Variants in CHN1 observed in about 807,000 individuals in gnomAD.
CHN1 encodes chimerin 1.
In CHN1, 37 loss-of-function variants were observed where a neutral mutation model predicts 59.5. That is an observed-to-expected ratio of 0.62 (90% CI 0.48 to 0.82). The LOEUF is 0.82. Among genes scored for constraint, CHN1 ranks in the 40% least tolerant of loss-of-function variants. The probability of loss-of-function intolerance (pLI) is 0.00; values close to 1 mark genes in which losing one functional copy is unlikely to be tolerated. For synonymous variants in CHN1, 206 were observed against 200.4 expected, an observed-to-expected ratio of 1.03 and a Z score of -0.24; for missense variants, 469 against 571.0, an observed-to-expected ratio of 0.82 and a Z score of 1.82.
At chr2:174,880,808 G>A (rs1345220071) in intron 5 of CHN1, among the ~76,000 whole-genome samples, 2 of 152,182 alleles carry the variant, frequency 1.3e-5, no homozygotes, top group Non-Finnish European at 2.9e-5. Context: ...AGCACTTTGG[G>A]AGGCTGAGGC....
chr2:174,990,142 G>A (rs1691487000), intron 1 of CHN1, among the ~76,000 whole-genome samples: 1 of 152,054 alleles, frequency 6.6e-6, no homozygotes, highest in Non-Finnish European at 1.5e-5. Context: ...AGTAAGTTCT[G>A]GGATCTGTGT....
chr2:175,004,827 A>G lies in CHN1; in HGVS notation c.19+67T>C, dbSNP rs538414084. The G allele has an allele frequency of 6.7e-3, 7,164 of 1,074,516 alleles. 390 individuals are homozygous for G. The African/African-American group carries it at 0.11, about 17-fold the overall frequency. The allele number at this position is 1,074,516 out of a possible 1,614,324, so 66.6% of individuals were successfully genotyped here. On this transcript the variant is annotated intron_variant, in intron 1 of 12. Coordinates refer to ENST00000409900, the MANE Select transcript of CHN1 (RefSeq NM_001822.7). ...CCCTCCCCGGGCGCCCAGGCCCCCC[A>G]GGCCCCCGCCCCCGAGCCCCGGGAC...
intron 4 of CHN1, among the ~76,000 whole-genome samples, chr2:174,916,499 T>A (rs1688852636): frequency 6.6e-6 from 1 of 152,212 alleles, no homozygotes; most frequent in Admixed American, 6.5e-5. Context: ...CAGCTTTTAC[T>A]GGTACTAAAG....
At chr2:174,805,927 T>C (rs1684871769) in intron 11 of CHN1, among the ~76,000 whole-genome samples, 1 of 152,188 alleles carries the variant, frequency 6.6e-6, no homozygotes, top group South Asian at 2.1e-4. Flanking sequence ...CTGAGACATG[T>C]AGCTTTTTGA....
intron 1 of CHN1, among the ~76,000 whole-genome samples, chr2:174,954,272 T>C (rs1690118099): frequency 6.6e-6 from 1 of 152,056 alleles, no homozygotes; most frequent in Non-Finnish European, 1.5e-5. Flanking sequence ...TCCTCGTTTC[T>C]CACCCTATAC....
chr2:174,831,899 AAAAT>A (rs993624254), intron 7 of CHN1, among the ~76,000 whole-genome samples: 2 of 152,148 alleles, frequency 1.3e-5, no homozygotes, highest in African/African-American at 2.4e-5. Flanking sequence ...GTACAATAGG[AAAAT>A]AAATAAGTAA....
chr2:174,799,972 A>C lies in CHN1; in HGVS notation c.*144T>G, dbSNP rs1370391372. The stretch of plus-strand genomic sequence containing the variant: ...TACAAGACAGCTGAGCGGTGCTACA[A>C]AAACAACAGAAAGTTCCTTCACTTT... On this transcript the variant is annotated 3_prime_UTR_variant, in exon 13 of 13. Coordinates refer to ENST00000409900, the MANE Select transcript of CHN1 (RefSeq NM_001822.7). 1 of 798,722 alleles carries C rather than the reference A, an allele frequency of 1.3e-6. No individual in the cohort carries two copies. The highest frequency in any genetic ancestry group is 2.1e-6 in the Non-Finnish European group (1 of 476,100). 49.5% of individuals were successfully genotyped at this position (798,722 alleles called of 1,614,324 possible).
chr2:174,833,607 G>T (rs1035257006), intron 7 of CHN1, among the ~76,000 whole-genome samples: 6 of 151,924 alleles, frequency 3.9e-5, no homozygotes, highest in African/African-American at 1.5e-4. Flanking sequence ...CCTTTTAATG[G>T]TGTGTTTGAG....
At chr2:174,944,477 CTT>C in intron 3 of CHN1, among the ~76,000 whole-genome samples, 1 of 152,178 alleles carries the variant, frequency 6.6e-6, no homozygotes, top group East Asian at 1.9e-4. Flanking sequence ...TACATCATAT[CTT>C]TTTTTGGTGA....
intron 7 of CHN1, among the ~76,000 whole-genome samples, chr2:174,832,624 ATC>A (rs1277836875): frequency 6.6e-6 from 1 of 152,142 alleles, no homozygotes; most frequent in Non-Finnish European, 1.5e-5. Context: ...TTTTTCAGAT[ATC>A]TGTTAGTGAT....
chr2:174,894,374 C>T (rs1435766073), intron 5 of CHN1, among the ~76,000 whole-genome samples: 1 of 151,934 alleles, frequency 6.6e-6, no homozygotes, highest in South Asian at 2.1e-4. Context: ...GAAAAGATGT[C>T]CAACATCACT....
At chr2:174,871,689 T>C (rs1210371023) in intron 6 of CHN1, among the ~76,000 whole-genome samples, 1 of 152,234 alleles carries the variant, frequency 6.6e-6, no homozygotes, top group East Asian at 1.9e-4. Flanking sequence ...AACTTAGTAT[T>C]TATTTAATGC....
chr2:174,862,393 C>T lies in CHN1; in HGVS notation c.550-15436G>A, dbSNP rs188387873. Among the ~76,000 whole-genome samples, 208 of 150,442 alleles carry T rather than the reference C, an allele frequency of 1.4e-3. 5 individuals are homozygous for T. The East Asian group carries it at 0.033, about 24-fold the overall frequency. ...CTGTCGCCAGGCTGGAGTACAGTGG[C>T]GCAATCTTGGCTCACTGCAACCTCC... On this transcript the variant is annotated intron_variant, in intron 6 of 12. Transcript: ENST00000409900.
chr2:174,871,305 C>T (rs149956227), intron 6 of CHN1, among the ~76,000 whole-genome samples: 4 of 151,610 alleles, frequency 2.6e-5, no homozygotes, highest in African/African-American at 9.7e-5. Flanking sequence ...AAGAATGACC[C>T]TCTCCACCTC....
chr2:174,835,966 G>A (rs1686061621), intron 7 of CHN1, among the ~76,000 whole-genome samples: 1 of 152,140 alleles, frequency 6.6e-6, no homozygotes, highest in Non-Finnish European at 1.5e-5. Flanking sequence ...CATATATGCA[G>A]ATAAGTCATC....
chr2:174,910,747 A>C (rs992269342), intron 5 of CHN1, among the ~76,000 whole-genome samples: 5 of 152,260 alleles, frequency 3.3e-5, no homozygotes, highest in Middle Eastern at 3.4e-3. Context: ...AGTAGATATC[A>C]AAATTAGCCG....
At chr2:174,855,691 A>C (rs1045813418) in intron 6 of CHN1, among the ~76,000 whole-genome samples, 2 of 152,164 alleles carry the variant, frequency 1.3e-5, no homozygotes, top group African/African-American at 4.8e-5. Context: ...CTTTACATGT[A>C]TGATAAAGTT....
At chr2:174,851,672 CCT>C (rs1309500327) in intron 6 of CHN1, among the ~76,000 whole-genome samples, 1 of 152,178 alleles carries the variant, frequency 6.6e-6, no homozygotes, top group Non-Finnish European at 1.5e-5. Context: ...ATTCCACAAT[CCT>C]CTGTTTCTAC....
At chr2:174,879,713 A>T (rs1193294821) in intron 5 of CHN1, among the ~76,000 whole-genome samples, 3 of 152,214 alleles carry the variant, frequency 2.0e-5, no homozygotes, top group Non-Finnish European at 4.4e-5. Context: ...AATAATAAAC[A>T]CACATAGCAT....
Sources: gnomAD v4.1 joint callset for allele counts (sites outside exome capture counted in the v4.1 genomes callset) on GRCh38, gnomAD v4.1.1 for gene constraint, MANE v1.5 for transcripts, NCBI Gene and HGNC (gene_info 2026-07-23, HGNC 2026-07-21) for gene names.